The following SLC38A4 variants were observed in gnomAD, a reference collection of about 807,000 sequenced individuals.
SLC38A4 encodes the protein solute carrier family 38 member 4, also known as sodium-coupled neutral amino acid transporter 4.
Under a neutral mutation model 63.1 loss-of-function variants are expected in SLC38A4, and 20 were observed. The ratio of observed to expected loss-of-function variants is 0.32; its 90% CI spans 0.22 to 0.46. The LOEUF (loss-of-function observed/expected upper bound fraction) is 0.46, where lower values mean the gene tolerates loss of function less well. Among genes scored for constraint, SLC38A4 ranks in the 20% least tolerant of loss-of-function variants. SLC38A4 has a pLI of 1.00. For missense variants in SLC38A4, 526 were observed against 663.6 expected (o/e 0.79, Z 2.28); for synonymous variants, 230 against 225.5 (o/e 1.02, Z -0.18).
intron 14 of SLC38A4, among the ~76,000 whole-genome samples, chr12:46,772,168 C>G (rs1012994678): frequency 6.7e-6 from 1 of 150,194 alleles, no homozygotes; most frequent in Non-Finnish European, 1.5e-5. Context: ...ATTGTTTAGA[C>G]GTAGCTCACA....
chr12:46,774,185 C>G (rs188389993), intron 14 of SLC38A4, among the ~76,000 whole-genome samples: 2 of 152,198 alleles, frequency 1.3e-5, no homozygotes, highest in East Asian at 3.9e-4. Context: ...TTTCAGCACA[C>G]AAGCTGCATT....
chr12:46,812,039 A>G (rs1393164731), intron 1 of SLC38A4, among the ~76,000 whole-genome samples: 1 of 152,072 alleles, frequency 6.6e-6, no homozygotes, highest in African/African-American at 2.4e-5. Context: ...AGTGAAGATC[A>G]ATGCTTAAGT....
Position 46,779,998 on chromosome 12 carries a change from C to A in SLC38A4, c.526G>T (p.Glu176Ter). 1 of 1,612,292 alleles carries A rather than the reference C, an allele frequency of 6.2e-7. No individual in the cohort carries two copies. Among genetic ancestry groups the A allele is most frequent in the South Asian group, 1.1e-5 (1 of 91,016 alleles). Residue 176 changes from glutamate to a stop codon, truncating the protein, a stop_gained, in exon 8 of 17, where the codon GAA (glutamate) becomes TAA (stop). Coordinates refer to ENST00000266579, the MANE Select transcript of SLC38A4 (RefSeq NM_018018.5). LOFTEE classifies it high-confidence loss of function. ...MSSYLFIIKY[E>*]LPEVIRAFMG... The stretch of plus-strand genomic sequence containing the variant: ...AATGCTCTGATTACTTCAGGTAGTT[C>A]ATATTTAATGATAAAGAGGTAGCTT...
At chr12:46,769,221 C>T in intron 15 of SLC38A4, 63 bp downstream of exon 15, 1 of 1,577,924 alleles carries the variant, frequency 6.3e-7, no homozygotes, top group Admixed American at 1.7e-5. Context: ...CACTGGTTCC[C>T]TGTCCATCAT....
At chr12:46,773,253 A>AAG (rs1938454487) in intron 14 of SLC38A4, among the ~76,000 whole-genome samples, 4 of 151,874 alleles carry the variant, frequency 2.6e-5, no homozygotes, top group South Asian at 2.1e-4. Context: ...TTCAAGACAA[A>AAG]GCAAGATTCA....
At chr12:46,806,464 C>T (rs189665075) in intron 1 of SLC38A4, among the ~76,000 whole-genome samples, 1 of 151,558 alleles carries the variant, frequency 6.6e-6, no homozygotes, top group African/African-American at 2.4e-5. Context: ...TACAAGGAGG[C>T]CAGTAGGAAG....
intron 14 of SLC38A4, among the ~76,000 whole-genome samples, chr12:46,774,499 C>T (rs1240205570): frequency 6.6e-6 from 1 of 151,866 alleles, no homozygotes; most frequent in Non-Finnish European, 1.5e-5. Flanking sequence ...TGGCAGAGGC[C>T]ATGTGTGAGA....
intron 3 of SLC38A4, among the ~76,000 whole-genome samples, chr12:46,790,656 A>G (rs1220779641): frequency 6.6e-6 from 1 of 152,210 alleles, no homozygotes; most frequent in Non-Finnish European, 1.5e-5. Context: ...TGAGAATTTG[A>G]AAGTAAACAG....
At position 46,792,942 on chromosome 12, in the gene SLC38A4, T is replaced by C; in HGVS notation, c.119+11A>G. 2.5e-6 allele frequency: 4 copies of C among 1,598,384 alleles called. No homozygotes were observed. In the South Asian group the frequency reaches 4.4e-5, roughly 18 times the overall value. On this transcript the variant is annotated intron_variant, in intron 3 of 16. Transcript: ENST00000266579. ...TTTTTCCATGGAACATAGTAATTTTTAACCCCATACCTGCTCATTGCTGCC... is the reference window on the plus strand; with the variant it reads ...TTTTTCCATGGAACATAGTAATTTTCAACCCCATACCTGCTCATTGCTGCC...
At chr12:46,809,259 G>A (rs1214629444) in intron 1 of SLC38A4, among the ~76,000 whole-genome samples, 1 of 151,960 alleles carries the variant, frequency 6.6e-6, no homozygotes, top group African/African-American at 2.4e-5. Flanking sequence ...ACTAACTAAA[G>A]ATATGTTCAG....
chr12:46,830,310 A>T (rs1258698739), upstream of SLC38A4, among the ~76,000 whole-genome samples: 463 of 151,772 alleles, frequency 3.1e-3, 3 homozygotes, highest in East Asian at 6.8e-3. Flanking sequence ...ACACACACAC[A>T]CACACACACA....
At chr12:46,769,767 G>A (rs1375640885) in intron 14 of SLC38A4, among the ~76,000 whole-genome samples, 1 of 151,926 alleles carries the variant, frequency 6.6e-6, no homozygotes, top group Non-Finnish European at 1.5e-5. Flanking sequence ...TATGTTACAG[G>A]TACCTCCACT....
chr12:46,785,343 C>G (rs1233523931), intron 5 of SLC38A4, among the ~76,000 whole-genome samples, 166 bp from the exon 6 acceptor site: 2 of 152,032 alleles, frequency 1.3e-5, no homozygotes, highest in Admixed American at 6.6e-5. Flanking sequence ...TCTACACATA[C>G]CCTTTAAAGT....
At chr12:46,807,678 A>T (rs1592192240) in intron 1 of SLC38A4, among the ~76,000 whole-genome samples, 1 of 152,112 alleles carries the variant, frequency 6.6e-6, no homozygotes, top group African/African-American at 2.4e-5. Flanking sequence ...ATGTTACAGA[A>T]ATCTTCCTAA....
At chr12:46,789,895 G>A (rs931039447) in intron 3 of SLC38A4, among the ~76,000 whole-genome samples, 1 of 152,078 alleles carries the variant, frequency 6.6e-6, no homozygotes, top group Admixed American at 6.6e-5. Context: ...TGGCCAACAT[G>A]GTGAAACTTC....
At chr12:46,786,719 T>C (rs2120810110) in intron 5 of SLC38A4, among the ~76,000 whole-genome samples, 1 of 152,212 alleles carries the variant, frequency 6.6e-6, no homozygotes, top group East Asian at 1.9e-4. Flanking sequence ...AAAGTTGATA[T>C]AAAAACCCAT....
At chr12:46,774,979 T>C in intron 14 of SLC38A4, 70 bp downstream of exon 14, 1 of 1,523,106 alleles carries the variant, frequency 6.6e-7, no homozygotes, top group East Asian at 2.3e-5. Context: ...TAAATCAAAA[T>C]GAAGGTAGAA....
chr12:46,830,298 TCACA>T (rs10597523), upstream of SLC38A4, among the ~76,000 whole-genome samples: 33,140 of 148,014 alleles, frequency 0.22, 4,031 homozygotes, highest in East Asian at 0.35. Context: ...TCTCTCTCTC[TCACA>T]CACACACACA....
In SLC38A4 at chr12:46,765,751, A is replaced by G. The variant is rs1938285453; in HGVS notation, c.*950T>C. ...ATGACTACAGAATAAGATTATATACATAAACATATAGCAAATCACAGTTTC... is the reference window on the plus strand; with the variant it reads ...ATGACTACAGAATAAGATTATATACGTAAACATATAGCAAATCACAGTTTC... On this transcript the variant is annotated 3_prime_UTR_variant, in exon 17 of 17. Transcript: ENST00000266579. 1 of 165,572 alleles carries G rather than the reference A, an allele frequency of 6.0e-6. No homozygotes were observed. Among genetic ancestry groups the G allele is most frequent in the African/African-American group, 2.4e-5 (1 of 41,466 alleles). The allele number at this position is 165,572 out of a possible 1,614,324, so 10.3% of individuals were successfully genotyped here.
Sources: gnomAD v4.1 joint callset for allele counts (sites outside exome capture counted in the v4.1 genomes callset) on GRCh38, gnomAD v4.1.1 for gene constraint, MANE v1.5 for transcripts, NCBI Gene and HGNC (gene_info 2026-07-23, HGNC 2026-07-21) for gene names.